The following TRAPPC9 variants were observed in gnomAD, a reference collection of about 807,000 sequenced individuals.
The protein encoded by TRAPPC9 is trafficking protein particle complex subunit 9.
In TRAPPC9, 83 loss-of-function variants were observed where a neutral mutation model predicts 124.0. The observed-to-expected ratio is 0.67, with a 90% CI of 0.56 to 0.80. TRAPPC9 has a LOEUF of 0.80. Among genes scored for constraint, TRAPPC9 ranks in the 30% least tolerant of loss-of-function variants. TRAPPC9 has a pLI of 0.00. For synonymous variants in TRAPPC9, 638 were observed against 617.5 expected (o/e 1.03, Z -0.49); for missense variants, 1,302 against 1,508.3 (o/e 0.86, Z 2.27).
At chr8:140,332,962 C>T (rs946660934) in intron 9 of TRAPPC9, among the ~76,000 whole-genome samples, 1 of 152,074 alleles carries the variant, frequency 6.6e-6, no homozygotes, top group Non-Finnish European at 1.5e-5. Context: ...CCCAACTCTA[C>T]TAAAAATACG....
At chr8:140,160,833 GA>G (rs34261188) in intron 17 of TRAPPC9, among the ~76,000 whole-genome samples, 28,332 of 146,782 alleles carry the variant, frequency 0.19, 3,083 homozygotes, top group Admixed American at 0.26. Flanking sequence ...GAAGATTCCT[GA>G]AAAAAAAAAA....
chr8:139,980,588 C>T (rs955894439), intron 19 of TRAPPC9, among the ~76,000 whole-genome samples: 1 of 152,216 alleles, frequency 6.6e-6, no homozygotes, highest in Non-Finnish European at 1.5e-5. Flanking sequence ...GGCCATGCAT[C>T]GGGCATGGCC....
chr8:140,397,353 T>C (rs1393523434), intron 7 of TRAPPC9, among the ~76,000 whole-genome samples: 1 of 151,796 alleles, frequency 6.6e-6, no homozygotes, highest in Non-Finnish European at 1.5e-5. Flanking sequence ...TGTTGAAGGT[T>C]GCCAAGCTGG....
chr8:140,307,062 C>T (rs956267808), intron 10 of TRAPPC9, among the ~76,000 whole-genome samples: 1 of 152,118 alleles, frequency 6.6e-6, no homozygotes, highest in Admixed American at 6.5e-5. Context: ...TGCAGGGACT[C>T]GGTCCGATCT....
At chr8:140,042,138 G>A (rs560828592) in intron 17 of TRAPPC9, among the ~76,000 whole-genome samples, 29 of 152,124 alleles carry the variant, frequency 1.9e-4, no homozygotes, top group African/African-American at 6.5e-4. Flanking sequence ...ATCCTTCTTA[G>A]GAGGCATGCA....
upstream of TRAPPC9, chr8:140,458,371 C>T (rs868013758): frequency 3.8e-6 from 6 of 1,591,232 alleles, no homozygotes; most frequent in Non-Finnish European, 5.1e-6. Context: ...ATCCCTGCGG[C>T]ACCCCCTGTG....
intron 17 of TRAPPC9, among the ~76,000 whole-genome samples, chr8:140,030,888 T>C (rs1398526056): frequency 1.3e-5 from 2 of 152,102 alleles, no homozygotes; most frequent in Non-Finnish European, 2.9e-5. Flanking sequence ...AGAGAAACTA[T>C]GGAGGGTGAT....
chr8:140,447,291 A>C (rs2132680722), intron 2 of TRAPPC9, among the ~76,000 whole-genome samples: 1 of 152,334 alleles, frequency 6.6e-6, no homozygotes, highest in South Asian at 2.1e-4. Flanking sequence ...AAATTAAAAA[A>C]CATATTTTAA....
chr8:140,152,009 G>A (rs533400607), intron 17 of TRAPPC9, among the ~76,000 whole-genome samples: 3 of 152,178 alleles, frequency 2.0e-5, no homozygotes, highest in South Asian at 2.1e-4. Flanking sequence ...CTGGGGAGCC[G>A]GAATGGCTGC....
intron 21 of TRAPPC9, among the ~76,000 whole-genome samples, chr8:139,756,965 G>T (rs1819864904): frequency 7.2e-6 from 1 of 138,330 alleles, no homozygotes; most frequent in Non-Finnish European, 1.6e-5. Flanking sequence ...CAGGTCGCAG[G>T]AGAAGCCAGG....
chr8:139,998,037 C>T (rs919835940), intron 18 of TRAPPC9, among the ~76,000 whole-genome samples: 3 of 150,104 alleles, frequency 2.0e-5, no homozygotes, highest in African/African-American at 7.4e-5. Context: ...GCATCCTACA[C>T]AGGTAGACAA....
intron 17 of TRAPPC9, among the ~76,000 whole-genome samples, chr8:140,140,769 T>A (rs2061370897): frequency 6.6e-6 from 1 of 152,154 alleles, no homozygotes; most frequent in Admixed American, 6.5e-5. Context: ...CTCAGTAAGG[T>A]GCTCTTGGCC....
intron 20 of TRAPPC9, among the ~76,000 whole-genome samples, chr8:139,894,625 TAA>T (rs933097746): frequency 6.6e-6 from 1 of 152,108 alleles, no homozygotes; most frequent in Non-Finnish European, 1.5e-5. Flanking sequence ...TCCTCTTCAG[TAA>T]AAAAGACATC....
intron 20 of TRAPPC9, among the ~76,000 whole-genome samples, chr8:139,891,837 G>A (rs889767417): frequency 2.6e-5 from 4 of 152,220 alleles, no homozygotes; most frequent in East Asian, 1.9e-4. Context: ...CGTGCTCAGC[G>A]ATTTAACGTT....
chr8:139,801,917 C>T (rs960475087), intron 21 of TRAPPC9, among the ~76,000 whole-genome samples: 1 of 152,184 alleles, frequency 6.6e-6, no homozygotes, highest in African/African-American at 2.4e-5. Flanking sequence ...CTGCAGAATC[C>T]GCCAGGGAGT....
intron 14 of TRAPPC9, among the ~76,000 whole-genome samples, chr8:140,283,607 T>C (rs1020525250): frequency 5.3e-5 from 8 of 152,044 alleles, no homozygotes; most frequent in African/African-American, 1.9e-4. Flanking sequence ...AAATTCCCTA[T>C]GTTTTTAAGG....
chr8:140,337,856 G>A (rs936772309), intron 9 of TRAPPC9, among the ~76,000 whole-genome samples: 5 of 151,766 alleles, frequency 3.3e-5, no homozygotes, highest in Admixed American at 1.3e-4. Context: ...CAAGCACCAC[G>A]GGCCGGGCAC....
chr8:140,239,292 G>A (rs2063803569), intron 16 of TRAPPC9, among the ~76,000 whole-genome samples: 2 of 152,332 alleles, frequency 1.3e-5, no homozygotes, highest in Admixed American at 6.5e-5. Flanking sequence ...ACATGAGGAC[G>A]TCTGGAGAGA....
At chr8:139,842,799 TG>T (rs1826822661) in intron 21 of TRAPPC9, among the ~76,000 whole-genome samples, 1 of 152,144 alleles carries the variant, frequency 6.6e-6, no homozygotes, top group Non-Finnish European at 1.5e-5. Context: ...GGTCAGCTGG[TG>T]GGTCCTCCGA....
Sources: gnomAD v4.1 joint callset for allele counts (sites outside exome capture counted in the v4.1 genomes callset) on GRCh38, gnomAD v4.1.1 for gene constraint, MANE v1.5 for transcripts, NCBI Gene and HGNC (gene_info 2026-07-23, HGNC 2026-07-21) for gene names.